The following EFCAB6 variants were observed in gnomAD, a reference collection of about 807,000 sequenced individuals.
The protein encoded by EFCAB6 is EF-hand calcium binding domain 6.
EFCAB6 carries 156 observed loss-of-function variants against 169.8 expected under a neutral mutation model. That is an observed-to-expected ratio of 0.92 (90% confidence interval 0.81 to 1.05). The LOEUF (loss-of-function observed/expected upper bound fraction) is 1.05, where lower values mean the gene tolerates loss of function less well. Ranked by LOEUF, EFCAB6 falls within the 50% of genes least tolerant of loss-of-function variation. The pLI is 0.00. For synonymous variants in EFCAB6, 698 were observed against 676.4 expected, an observed-to-expected ratio of 1.03 and a Z score of -0.50; for missense variants, 1,800 against 1,829.1, an observed-to-expected ratio of 0.98 and a Z score of 0.29.
chr22:43,684,438 A>G (rs886180170), intron 11 of EFCAB6, among the ~76,000 whole-genome samples: 3 of 151,976 alleles, frequency 2.0e-5, no homozygotes, highest in Non-Finnish European at 4.4e-5. Context: ...CCCTCTGGAG[A>G]CCAAAACCAA....
intron 27 of EFCAB6, chr22:43,552,688 G>A (rs2048450638): frequency 6.6e-6 from 1 of 152,108 alleles, no homozygotes; most frequent in African/African-American, 2.4e-5. Context: ...GCTGAGGATG[G>A]TGAAGTTTTC....
chr22:43,534,621 GA>G, intron 30 of EFCAB6, 66 bp downstream of exon 30: 1 of 1,453,162 alleles, frequency 6.9e-7, no homozygotes, highest in South Asian at 1.4e-5. Flanking sequence ...ACCCTGTCTT[GA>G]AAAAAATAAA....
intron 17 of EFCAB6, among the ~76,000 whole-genome samples, chr22:43,649,511 A>T (rs146344391): frequency 3.2e-4 from 48 of 152,348 alleles, no homozygotes; most frequent in Middle Eastern, 3.4e-3. Flanking sequence ...GTTTTTAAAA[A>T]TCTTCAACCA....
Position 43,765,344 on chromosome 22 carries a change from C to T in EFCAB6, c.401G>A (p.Arg134Lys). 6.2e-7 allele frequency: 1 copy of T among 1,612,744 alleles called. No homozygotes were observed. Among genetic ancestry groups the T allele is most frequent in the South Asian group, 1.1e-5 (1 of 91,042 alleles). ...GTVPYLAFLS[R>K]FGGIDLYING... is the part of the protein sequence containing the mutation. Reference sequence around the variant, plus strand: ...TATATATAGGTCAATTCCACCAAACCTGGACAGAAAGGCAAGGTACGGTAC... The same window carrying T: ...TATATATAGGTCAATTCCACCAAACTTGGACAGAAAGGCAAGGTACGGTAC... The change falls in exon 5 of 32, where the codon AGG becomes AAG. Residue 134 changes from arginine (R) to lysine (K), a missense_variant. Arg to Lys is a conservative substitution (Grantham distance 26, BLOSUM62 2). Transcript: ENST00000262726.
At chr22:43,751,513 G>A (rs146410009) in intron 6 of EFCAB6, among the ~76,000 whole-genome samples, 4 of 152,308 alleles carry the variant, frequency 2.6e-5, no homozygotes, top group Non-Finnish European at 5.9e-5. Flanking sequence ...CTGAGGTCTC[G>A]GGCGCTGCCA....
At chr22:43,662,633 A>G (rs1477804187) in intron 17 of EFCAB6, among the ~76,000 whole-genome samples, 1 of 152,062 alleles carries the variant, frequency 6.6e-6, no homozygotes, top group Non-Finnish European at 1.5e-5. Flanking sequence ...AGAACATTGT[A>G]TATCCATGAC....
chr22:43,651,336 C>T lies in EFCAB6; in HGVS notation c.1983+15768G>A, dbSNP rs574182364. Among the ~76,000 whole-genome samples the T allele has an allele frequency of 2.6e-5, 4 of 152,380 alleles. No individual in the cohort carries two copies. The East Asian group carries it at 7.7e-4, about 29-fold the overall frequency. ...CCATAGCTTCAGAGGGACCAAGCCTCAAGCCTTGGCAGCTTCCACATGGTG... is the reference window on the plus strand; with the variant it reads ...CCATAGCTTCAGAGGGACCAAGCCTTAAGCCTTGGCAGCTTCCACATGGTG... On this transcript the variant is annotated intron_variant, in intron 17 of 31. Transcript: ENST00000262726.
chr22:43,775,542 A>G (rs970267371), intron 3 of EFCAB6, among the ~76,000 whole-genome samples: 1 of 152,170 alleles, frequency 6.6e-6, no homozygotes, highest in Admixed American at 6.5e-5. Flanking sequence ...TCCTGGGTCC[A>G]GGCAATTCTC....
chr22:43,555,590 C>T (rs1038030475), intron 26 of EFCAB6, among the ~76,000 whole-genome samples: 2 of 152,234 alleles, frequency 1.3e-5, no homozygotes, highest in African/African-American at 4.8e-5. Flanking sequence ...CATTAGACTA[C>T]AGCTAAATGT....
chr22:43,735,324 T>C (rs1451271636), intron 7 of EFCAB6, among the ~76,000 whole-genome samples: 2 of 150,842 alleles, frequency 1.3e-5, no homozygotes, highest in Admixed American at 1.3e-4. Context: ...CACCCCACCC[T>C]CCTGCCGCAC....
At chr22:43,634,481 C>G (rs933728995) in intron 18 of EFCAB6, among the ~76,000 whole-genome samples, 5 of 152,192 alleles carry the variant, frequency 3.3e-5, no homozygotes, top group African/African-American at 1.2e-4. Flanking sequence ...GCATTCCACC[C>G]TGCCAGCCTG....
chr22:43,734,613 C>T (rs555304822), intron 7 of EFCAB6, among the ~76,000 whole-genome samples: 3 of 152,078 alleles, frequency 2.0e-5, no homozygotes, highest in Admixed American at 6.5e-5. Flanking sequence ...TCTATAATTG[C>T]GTGCACAAAA....
chr22:43,632,488 C>A (rs2055048980), intron 18 of EFCAB6, among the ~76,000 whole-genome samples: 1 of 152,024 alleles, frequency 6.6e-6, no homozygotes, highest in African/African-American at 2.4e-5. Context: ...TTGGTACAGA[C>A]AGGGTTTCAT....
chr22:43,669,627 TTTGATATCTTGA>T (rs1386422339), intron 15 of EFCAB6, among the ~76,000 whole-genome samples: 1 of 152,216 alleles, frequency 6.6e-6, no homozygotes, highest in Non-Finnish European at 1.5e-5. Flanking sequence ...GGCGAAAATA[TTTGATATCTTGA>T]TTGATATCTT....
chr22:43,767,377 T>C (rs149328310), intron 4 of EFCAB6, among the ~76,000 whole-genome samples: 17 of 152,326 alleles, frequency 1.1e-4, no homozygotes, highest in African/African-American at 4.1e-4. Flanking sequence ...TTTAAGTAGA[T>C]ATAATTTTGA....
At chr22:43,652,263 T>G (rs1012752519) in intron 17 of EFCAB6, among the ~76,000 whole-genome samples, 1 of 152,156 alleles carries the variant, frequency 6.6e-6, no homozygotes, top group Non-Finnish European at 1.5e-5. Context: ...TCACATGAGA[T>G]CTGATGGTTT....
intron 8 of EFCAB6, among the ~76,000 whole-genome samples, chr22:43,725,422 T>C (rs1270622836): frequency 3.9e-5 from 6 of 152,196 alleles, no homozygotes; most frequent in Non-Finnish European, 8.8e-5. Context: ...ATTACAGGCG[T>C]GACCCACTGC....
At chr22:43,782,043 A>AT in intron 3 of EFCAB6, 137 bp downstream of exon 3, 1 of 895,320 alleles carries the variant, frequency 1.1e-6, no homozygotes, top group Non-Finnish European at 1.6e-6. Flanking sequence ...GAAAACAGGG[A>AT]TAAAAACAGA....
At chr22:43,662,250 T>C (rs990733862) in intron 17 of EFCAB6, among the ~76,000 whole-genome samples, 9 of 151,814 alleles carry the variant, frequency 5.9e-5, no homozygotes, top group African/African-American at 2.2e-4. Context: ...TGAGGACTTA[T>C]GACAGTGATC....
Sources: gnomAD v4.1 joint callset for allele counts (sites outside exome capture counted in the v4.1 genomes callset) on GRCh38, gnomAD v4.1.1 for gene constraint, MANE v1.5 for transcripts, NCBI Gene and HGNC (gene_info 2026-07-23, HGNC 2026-07-21) for gene names.